PLBD2: variants seen among roughly 807,000 people sequenced by gnomAD.
PLBD2 encodes the protein phospholipase B domain containing 2.
A neutral mutation model predicts 68.3 loss-of-function variants in PLBD2; 51 were observed. The observed-to-expected ratio is 0.75, with a 90% confidence interval of 0.60 to 0.94. The LOEUF is 0.94. Ranked by LOEUF, PLBD2 falls within the 40% of genes least tolerant of loss-of-function variation. PLBD2 has a pLI of 0.00. For missense variants in PLBD2, 729 were observed against 792.2 expected, an observed-to-expected ratio of 0.92 and a Z score of 0.96; for synonymous variants, 314 against 339.3, an observed-to-expected ratio of 0.93 and a Z score of 0.82.
intron 6 of PLBD2, among the ~76,000 whole-genome samples, chr12:113,381,827 A>T (rs1050336169): frequency 1.3e-5 from 2 of 151,096 alleles, no homozygotes; most frequent in Admixed American, 6.6e-5. Context: ...TTATTTATTT[A>T]TTTTTTTTCA....
intron 1 of PLBD2, among the ~76,000 whole-genome samples, chr12:113,365,267 G>C (rs1358545207): frequency 6.6e-6 from 1 of 151,862 alleles, no homozygotes; most frequent in Non-Finnish European, 1.5e-5. Context: ...GGGAGCCTCG[G>C]TTCCCCACAT....
intron 5 of PLBD2, among the ~76,000 whole-genome samples, chr12:113,376,017 C>A (rs1957435529): frequency 6.6e-6 from 1 of 151,766 alleles, no homozygotes; most frequent in South Asian, 2.1e-4. Context: ...CCATGCCCAG[C>A]TAATTTTTGT....
chr12:113,374,963 G>T lies in PLBD2; in HGVS notation c.815G>T (p.Arg272Leu), dbSNP rs141234639. The change falls in exon 5 of 12, where the codon CGT becomes CTT. Residue 272 changes from arginine to leucine, a missense_variant. Physicochemically the swap from Arg to Leu is moderately radical, Grantham distance 102. Coordinates refer to ENST00000280800, the MANE Select transcript of PLBD2 (RefSeq NM_173542.4). Reference protein sequence around the residue: ...NTWNNYQHMLRVIKKYWLQFR... With the variant: ...NTWNNYQHMLLVIKKYWLQFR... ...TGGAACAACTACCAGCACATGCTGC[G>T]TGTCATCAAGAAGTACTGGCTCCAG... is the stretch of plus-strand genomic sequence containing the variant. 2.5e-6 allele frequency: 4 copies of T among 1,614,152 alleles called. No homozygotes were observed. The highest frequency in any genetic ancestry group is 2.2e-5 in the East Asian group (1 of 44,884).
At chr12:113,387,352 C>G (rs1057037274) in intron 10 of PLBD2, among the ~76,000 whole-genome samples, 1 of 152,164 alleles carries the variant, frequency 6.6e-6, no homozygotes, top group Non-Finnish European at 1.5e-5. Context: ...GTACCAGGAG[C>G]AACAGGTAGA....
At chr12:113,367,372 CAG>C (rs149786188) in intron 1 of PLBD2, among the ~76,000 whole-genome samples, 2,409 of 152,260 alleles carry the variant, frequency 0.016, 28 homozygotes, top group Non-Finnish European at 0.023. Context: ...AGTGGGCAAA[CAG>C]AAGTTTGCTC....
At chr12:113,363,770 C>T (rs1565857754) in intron 1 of PLBD2, among the ~76,000 whole-genome samples, 1 of 152,170 alleles carries the variant, frequency 6.6e-6, no homozygotes, top group Admixed American at 6.5e-5. Flanking sequence ...ATCTCCTGAC[C>T]TCATGATCCA....
chr12:113,377,553 G>A (rs1271135044), intron 5 of PLBD2, among the ~76,000 whole-genome samples: 21 of 152,198 alleles, frequency 1.4e-4, no homozygotes, highest in Admixed American at 1.4e-3. Context: ...AGCCTCCTGA[G>A]TAGCTGGGAT....
At chr12:113,361,667 A>T (rs911589759) in intron 1 of PLBD2, among the ~76,000 whole-genome samples, 1 of 151,954 alleles carries the variant, frequency 6.6e-6, no homozygotes, top group African/African-American at 2.4e-5. Flanking sequence ...GTTGTGCCAT[A>T]TCTTGACTTT....
At chr12:113,362,121 G>C (rs1180336402) in intron 1 of PLBD2, among the ~76,000 whole-genome samples, 2 of 152,176 alleles carry the variant, frequency 1.3e-5, no homozygotes, top group Non-Finnish European at 2.9e-5. Flanking sequence ...CGAGGCAGGA[G>C]GATGGCGAGG....
rs977100736 is a variant in PLBD2, at chr12:113,358,817, C to T, written c.217C>T (p.Leu73=). Residue 73 remains leucine, a synonymous_variant, in exon 1 of 12, where the codon CTG becomes TTG. Transcript: ENST00000280800. ...SVLLDVSAGQ[L]LMVDGRHPDA... ...GCTCCTGGACGTCTCGGCGGGCCAGCTGCTTATGGTGGACGGACGCCACCC... is the reference window on the plus strand; with the variant it reads ...GCTCCTGGACGTCTCGGCGGGCCAGTTGCTTATGGTGGACGGACGCCACCC... 6 of 1,500,850 alleles carry T rather than the reference C, an allele frequency of 4.0e-6. No individual in the cohort carries two copies. The African/African-American group carries it at 8.8e-5, about 22-fold the overall frequency. 93.0% of individuals were successfully genotyped at this position (1,500,850 alleles called of 1,614,324 possible).
At chr12:113,366,494 A>G (rs989857161) in intron 1 of PLBD2, among the ~76,000 whole-genome samples, 2 of 152,210 alleles carry the variant, frequency 1.3e-5, no homozygotes, top group Non-Finnish European at 2.9e-5. Flanking sequence ...TTATTATTTT[A>G]GAGAGAGGGT....
chr12:113,383,996 CAAAAAAAAAA>C, intron 6 of PLBD2, 99 bp from the exon 7 acceptor site: 1 of 490,516 alleles, frequency 2.0e-6, no homozygotes, highest in African/African-American at 3.6e-5. Flanking sequence ...GACTCTATCT[CAAAAAAAAAA>C]AAAAAAAAAA....
intron 6 of PLBD2, among the ~76,000 whole-genome samples, chr12:113,382,835 T>TTTTTG (rs1335785271): frequency 1.5e-4 from 16 of 106,608 alleles, no homozygotes; most frequent in African/African-American, 6.1e-4. Context: ...TGGTGGTTTT[T>TTTTTG]TGTGTGTGTG....
chr12:113,386,419 T>C (rs1284436409), intron 9 of PLBD2, among the ~76,000 whole-genome samples: 2 of 144,616 alleles, frequency 1.4e-5, no homozygotes, highest in African/African-American at 5.5e-5. Flanking sequence ...AATGGTGCGA[T>C]CTCAGCTTGC....
chr12:113,369,078 C>T (rs757112250), intron 1 of PLBD2, 38 bp from the exon 2 acceptor site: 5 of 1,468,530 alleles, frequency 3.4e-6, no homozygotes, highest in Non-Finnish European at 3.7e-6. Flanking sequence ...AGCTGGGGGC[C>T]TCTGCTGCTG....
In PLBD2 at chr12:113,390,913, C is replaced by T. The variant is rs1010668875; in HGVS notation, c.*2287C>T. ...TCCACCCACCCACCCGTCCATCCAC[C>T]TACCTATTCATTTATCACCCATCCA... On this transcript the variant is annotated 3_prime_UTR_variant, in exon 12 of 12. Transcript: ENST00000280800. 7 of 152,216 alleles carry T rather than the reference C, an allele frequency of 4.6e-5. No homozygotes were observed. Among genetic ancestry groups the T allele is most frequent in the African/African-American group, 1.7e-4 (7 of 41,440 alleles). The allele number at this position is 152,216 out of a possible 1,614,324, so 9.4% of individuals were successfully genotyped here.
intron 5 of PLBD2, 87 bp downstream of exon 5, chr12:113,375,094 A>G: frequency 2.5e-6 from 3 of 1,212,730 alleles, no homozygotes; most frequent in East Asian, 2.4e-5. Context: ...GGCCTTGGAA[A>G]CCCTCCCAAC....
chr12:113,387,988 A>G (rs1337586212), intron 11 of PLBD2, 82 bp downstream of exon 11: 3 of 1,512,020 alleles, frequency 2.0e-6, no homozygotes, highest in Non-Finnish European at 2.7e-6. Flanking sequence ...GGTTGGGGCA[A>G]AGCTGATGGC....
At position 113,374,830 on chromosome 12, in the gene PLBD2, C is replaced by G. The variant is rs1475946270; in HGVS notation, c.682C>G (p.Leu228Val). 1 of 1,613,710 alleles carries G rather than the reference C, an allele frequency of 6.2e-7. No individual in the cohort carries two copies. Among genetic ancestry groups the G allele is most frequent in the Non-Finnish European group, 8.5e-7 (1 of 1,180,036 alleles). ...CTCTGGGGACCTGGAAGACCTGGAG[C>G]TGGCCCTGAACAAGACCAAGATCAA... Reference protein sequence around the residue: ...QLSGDLEDLELALNKTKIKPS... With the variant: ...QLSGDLEDLEVALNKTKIKPS... Residue 228 changes from leucine to valine, a missense_variant, in exon 5 of 12, where the codon CTG (leucine) becomes GTG (valine). Leu to Val is a conservative substitution (Grantham distance 32, BLOSUM62 1). Transcript: ENST00000280800.
Sources: gnomAD v4.1 joint callset for allele counts (sites outside exome capture counted in the v4.1 genomes callset) on GRCh38, gnomAD v4.1.1 for gene constraint, MANE v1.5 for transcripts, NCBI Gene and HGNC (gene_info 2026-07-23, HGNC 2026-07-21) for gene names.